MAPK15: variants seen among roughly 807,000 people sequenced by gnomAD.
MAPK15 encodes the protein mitogen-activated protein kinase 15.
A neutral mutation model predicts 60.8 loss-of-function variants in MAPK15; 61 were observed. The ratio of observed to expected loss-of-function variants is 1.00; its 90% CI spans 0.82 to 1.24. The LOEUF is 1.24. Ranked by LOEUF, MAPK15 falls within the 50% of genes most tolerant of loss-of-function variation. The pLI, the probability that MAPK15 is intolerant of heterozygous loss-of-function variation, is 0.00. For missense variants in MAPK15, 808 were observed against 741.1 expected, an observed-to-expected ratio of 1.09 and a Z score of -1.05; for synonymous variants, 356 against 319.9, an observed-to-expected ratio of 1.11 and a Z score of -1.21.
At position 143,717,765 on chromosome 8, in the gene MAPK15, T is replaced by C; in HGVS notation, c.138T>C (p.Asp46=). The C allele has an allele frequency of 6.2e-7, 1 of 1,612,192 alleles. No homozygotes were observed. The highest frequency in any genetic ancestry group is 8.5e-7 in the Non-Finnish European group (1 of 1,179,402). Residue 46 remains aspartate, a synonymous_variant, in exon 2 of 14, where the codon GAT becomes GAC. Coordinates refer to ENST00000338033, the MANE Select transcript of MAPK15 (RefSeq NM_139021.3). ...GEVVAIKKIF[D]AFRDKTDAQR... The stretch of plus-strand genomic sequence containing the variant: ...TCGTGGCCATCAAGAAAATCTTTGA[T>C]GCTTTTAGGGATAAGACAGATGCCC...
chr8:143,717,452 A>T (rs1032286994), intron 1 of MAPK15, among the ~76,000 whole-genome samples: 24 of 152,100 alleles, frequency 1.6e-4, no homozygotes, highest in Non-Finnish European at 4.4e-5. Flanking sequence ...TCCTGCCCAG[A>T]CGCTCCCCTC....
In MAPK15 at chr8:143,721,379, A is replaced by G. The variant is rs781965964; in HGVS notation, c.1172A>G (p.Gln391Arg). The stretch of plus-strand genomic sequence containing the variant: ...GTGCAGGGTCCCAGACCCAGGCCCC[A>G]GAGCAGCCCAGGCCATGACCCTGCC... Reference protein sequence around the residue: ...TPVQGPRPRPQSSPGHDPAEH... With the variant: ...TPVQGPRPRPRSSPGHDPAEH... Residue 391 changes from glutamine (Q) to arginine (R), a missense_variant, in exon 11 of 14, where the codon CAG becomes CGG. Physicochemically the swap from Gln to Arg is conservative, Grantham distance 43. Transcript: ENST00000338033. 112 of 1,612,526 alleles carry G rather than the reference A, an allele frequency of 6.9e-5. No individual in the cohort carries two copies. The highest frequency in any genetic ancestry group is 9.3e-5 in the Non-Finnish European group (110 of 1,179,512).
In MAPK15 at chr8:143,720,120, T is replaced by G; in HGVS notation, c.722-110T>G. On this transcript the variant is annotated intron_variant, in intron 7 of 13. Coordinates refer to ENST00000338033, the MANE Select transcript of MAPK15 (RefSeq NM_139021.3). The surrounding 1 kb of genome is among the most constrained non-coding windows in gnomAD (Gnocchi z 4.6). ...GAGCCCCGCCAGACAGCAGAAACCC[T>G]GTAGAGAGGCTGTGCTCCCTGGGGC... 1 of 1,477,522 alleles carries G rather than the reference T, an allele frequency of 6.8e-7. No individual in the cohort carries two copies. Among genetic ancestry groups the G allele is most frequent in the Non-Finnish European group, 9.1e-7 (1 of 1,098,504 alleles). The allele number at this position is 1,477,522 out of a possible 1,614,324, so 91.5% of individuals were successfully genotyped here.
At chr8:143,718,451 G>A in intron 4 of MAPK15, 149 bp downstream of exon 4, 1 of 759,466 alleles carries the variant, frequency 1.3e-6, no homozygotes, top group South Asian at 1.6e-5. Context: ...CTCAGGGACA[G>A]ACAGCTGACT....
In MAPK15 at chr8:143,721,006, C is replaced by G. The variant is rs1818036190; in HGVS notation, c.924C>G (p.His308Gln). ...ALQHPYVQRF[H>Q]CPSDEWAREA... ...CCTCCCTGGCTCCCTGCAGGTTCCACTGCCCCAGCGACGAGTGGGCACGAG... is the reference window on the plus strand; with the variant it reads ...CCTCCCTGGCTCCCTGCAGGTTCCAGTGCCCCAGCGACGAGTGGGCACGAG... The change falls in exon 10 of 14, where the codon CAC becomes CAG. Residue 308 changes from histidine (H) to glutamine (Q), a missense_variant. Coordinates refer to ENST00000338033, the MANE Select transcript of MAPK15 (RefSeq NM_139021.3). The G allele has an allele frequency of 6.2e-7, 1 of 1,609,810 alleles. No individual in the cohort carries two copies. The highest frequency in any genetic ancestry group is 8.5e-7 in the Non-Finnish European group (1 of 1,178,674).
chr8:143,721,540 A>T lies in MAPK15; in HGVS notation c.1205-9A>T. 1 of 1,613,498 alleles carries T rather than the reference A, an allele frequency of 6.2e-7. No individual in the cohort carries two copies. Among genetic ancestry groups the T allele is most frequent in the Non-Finnish European group, 8.5e-7 (1 of 1,179,792 alleles). On this transcript the variant is annotated splice_polypyrimidine_tract_variant and intron_variant, in intron 11 of 13. Coordinates refer to ENST00000338033, the MANE Select transcript of MAPK15 (RefSeq NM_139021.3). ...CACTGACCCCGGGGTTGACCCACTG[A>T]CCCCACAGAGTCCCCCCGTGCAGCC...
rs781898751 is a variant in MAPK15 at position 143,721,227 on chromosome 8, G to A, written c.1024-4G>A. On this transcript the variant is annotated splice_region_variant and splice_polypyrimidine_tract_variant and intron_variant, in intron 10 of 13. Transcript: ENST00000338033. The stretch of plus-strand genomic sequence containing the variant: ...GACCTCTGAGCACCCTTCCCCTCCC[G>A]CAGATGATCCTGGAGTGTGGAGGCA... 1.3e-5 allele frequency: 21 copies of A among 1,605,344 alleles called. No homozygotes were observed. Among genetic ancestry groups the A allele is most frequent in the East Asian group, 6.7e-5 (3 of 44,814 alleles).
In MAPK15 at chr8:143,721,009, C is replaced by T. The variant is rs1554619610; in HGVS notation, c.927C>T (p.Cys309=). The T allele has an allele frequency of 2.5e-6, 4 of 1,610,164 alleles. No homozygotes were observed. Among genetic ancestry groups the T allele is most frequent in the Non-Finnish European group, 3.4e-6 (4 of 1,178,832 alleles). ...CCCTGGCTCCCTGCAGGTTCCACTG[C>T]CCCAGCGACGAGTGGGCACGAGAGG... ...LQHPYVQRFH[C]PSDEWAREAD... is the part of the protein sequence containing the mutation. Residue 309 remains cysteine (C), a synonymous_variant, in exon 10 of 14, where the codon TGC becomes TGT. Coordinates refer to ENST00000338033, the MANE Select transcript of MAPK15 (RefSeq NM_139021.3).
Position 143,721,850 on chromosome 8 carries a change from C to T in MAPK15, c.1428C>T (p.Gly476=), listed in dbSNP as rs1269597008. The T allele has an allele frequency of 1.3e-5, 21 of 1,604,352 alleles. No individual in the cohort carries two copies. Among genetic ancestry groups the T allele is most frequent in the South Asian group, 6.7e-5 (6 of 89,846 alleles). Residue 476 remains glycine, a synonymous_variant, in exon 13 of 14, where the codon GGC becomes GGT. Transcript: ENST00000338033. ...TGATCCGGGGTGACTGGAACCGGGG[C>T]GGTGGGGTGAGGGTGGCCAGCGTAC... ...QALIRGDWNR[G]GGVRVASVQQ...
Position 143,718,919 on chromosome 8 carries a change from GC to G in MAPK15, c.417+19del, listed in dbSNP as rs782741467. ...CGGGACCAGAAGGTGCGGTTCCCCC[GC>G]CCCCGCTATGCCACGTGGCCCGGCT... On this transcript the variant is annotated intron_variant, in intron 5 of 13. Transcript: ENST00000338033. 5 of 1,598,944 alleles carry G rather than the reference GC, an allele frequency of 3.1e-6. No individual in the cohort carries two copies. Among genetic ancestry groups the G allele is most frequent in the Non-Finnish European group, 3.4e-6 (4 of 1,171,780 alleles).
intron 1 of MAPK15, 131 bp downstream of exon 1, chr8:143,716,574 G>A: frequency 4.0e-6 from 3 of 747,942 alleles, no homozygotes; most frequent in Non-Finnish European, 6.1e-6. Context: ...CTCCGTAGGC[G>A]GGAGAGGTGG....
intron 1 of MAPK15, 138 bp downstream of exon 1, chr8:143,716,581 G>A (rs1817820243): frequency 2.9e-6 from 2 of 701,388 alleles, no homozygotes; most frequent in African/African-American, 1.9e-5. Flanking sequence ...GGCGGGAGAG[G>A]TGGTCTGGAG....
Position 143,720,886 on chromosome 8 carries a change from G to A in MAPK15, c.917+46G>A, listed in dbSNP as rs1818030922. 1 of 1,597,702 alleles carries A rather than the reference G, an allele frequency of 6.3e-7. No homozygotes were observed. The highest frequency in any genetic ancestry group is 1.1e-5 in the South Asian group (1 of 90,350). ...CCCAAGTGCGGGGGGACAGAGGTGG[G>A]GGCAGGAGAGAGCCAGCCCATGAGG... On this transcript the variant is annotated intron_variant, in intron 9 of 13. Transcript: ENST00000338033. The surrounding 1 kb of genome is among the most constrained non-coding windows in gnomAD (Gnocchi z 4.6).
chr8:143,720,439 A>G lies in MAPK15; in HGVS notation c.779+152A>G. On this transcript the variant is annotated intron_variant, in intron 8 of 13. Coordinates refer to ENST00000338033, the MANE Select transcript of MAPK15 (RefSeq NM_139021.3). The surrounding 1 kb of genome is among the most constrained non-coding windows in gnomAD (Gnocchi z 4.6). The stretch of plus-strand genomic sequence containing the variant: ...CCCAAACCCAACAACTGTTGGCCAC[A>G]CTGAAAGCAGGAGCCCCTCTGGTGC... 6.9e-7 allele frequency: 1 copy of G among 1,446,464 alleles called. No homozygotes were observed. Among genetic ancestry groups the G allele is most frequent in the East Asian group, 2.5e-5 (1 of 39,502 alleles). 89.6% of individuals were successfully genotyped at this position (1,446,464 alleles called of 1,614,324 possible).
intron 13 of MAPK15, 29 bp downstream of exon 13, chr8:143,721,909 C>T (rs1554620042): frequency 1.9e-6 from 3 of 1,539,304 alleles, no homozygotes; most frequent in East Asian, 4.5e-5. Context: ...GCCCCCGTCC[C>T]CTCATCCTCC....
rs1330909148 is a variant in MAPK15, at chr8:143,722,130, C to T, written c.1514C>T (p.Ser505Phe). The T allele has an allele frequency of 1.9e-6, 3 of 1,612,468 alleles. No homozygotes were observed. The African/African-American group carries it at 4.0e-5, about 22-fold the overall frequency. Residue 505 changes from serine (S) to phenylalanine (F), a missense_variant, in exon 14 of 14, where the codon TCT becomes TTT. Coordinates refer to ENST00000338033, the MANE Select transcript of MAPK15 (RefSeq NM_139021.3). The part of the protein sequence containing the change: ...ARPGRRMFST[S>F]ALQGAQGGAR... ...CCCGGCCGGAGGATGTTCAGCACCT[C>T]TGCCTTGCAGGGTGCCCAGGGGGGT...
In MAPK15 at chr8:143,718,807, G is replaced by T. The variant is rs375622398; in HGVS notation, c.319G>T (p.Gly107Cys). 2.5e-6 allele frequency: 4 copies of T among 1,611,278 alleles called. No homozygotes were observed. The South Asian group carries it at 3.3e-5, about 13-fold the overall frequency. The change falls in exon 5 of 14, where the codon GGC (glycine) becomes TGC (cysteine). Residue 107 changes from glycine to cysteine, a missense_variant. Physicochemically the swap from Gly to Cys is radical, Grantham distance 159. Transcript: ENST00000338033. ...CCTGAACGCAGTCATCCGGAAGGGC[G>T]GCCTGCTGCAGGACGTCCACGTGCG... ...TDLNAVIRKG[G>C]LLQDVHVRSI...
intron 2 of MAPK15, 30 bp downstream of exon 2, chr8:143,717,822 G>C (rs782714460): frequency 3.8e-5 from 61 of 1,596,238 alleles, no homozygotes; most frequent in African/African-American, 6.7e-5. Flanking sequence ...CGTGGGAGAG[G>C]ATGGGGGCAG....
rs1402900498 is a variant in MAPK15 at position 143,717,753 on chromosome 8, G to A, written c.126G>A (p.Lys42=). 1.9e-5 allele frequency: 30 copies of A among 1,612,314 alleles called. No individual in the cohort carries two copies. Among genetic ancestry groups the A allele is most frequent in the African/African-American group, 2.7e-5 (2 of 74,912 alleles). ...DRRTGEVVAI[K]KIFDAFRDKT... is the part of the protein sequence containing the mutation. ...GGACTGGTGAGGTCGTGGCCATCAA[G>A]AAAATCTTTGATGCTTTTAGGGATA... Residue 42 remains lysine, a synonymous_variant, in exon 2 of 14, where the codon AAG becomes AAA. Transcript: ENST00000338033.
Sources: gnomAD v4.1 joint callset for allele counts (sites outside exome capture counted in the v4.1 genomes callset) on GRCh38, gnomAD v4.1.1 for gene constraint, Gnocchi (gnomAD v3.1) non-coding constraint, MANE v1.5 for transcripts, NCBI Gene and HGNC (gene_info 2026-07-23, HGNC 2026-07-21) for gene names.